Variants in LARGE1 observed in about 807,000 individuals in gnomAD.
LARGE1 encodes the protein LARGE xylosyl- and glucuronyltransferase 1.
In LARGE1, 43 loss-of-function variants were observed where a neutral mutation model predicts 87.6. The observed-to-expected ratio is 0.49, with a 90% confidence interval of 0.38 to 0.63. The LOEUF (loss-of-function observed/expected upper bound fraction) is 0.63. Ranked by LOEUF, LARGE1 falls within the 30% of genes least tolerant of loss-of-function variation. The probability of loss-of-function intolerance (pLI) is 0.00; values close to 1 mark genes in which losing one functional copy is unlikely to be tolerated. For missense variants in LARGE1, 802 were observed against 1,000.2 expected (o/e 0.80, Z 2.67); for synonymous variants, 434 against 394.6 (o/e 1.10, Z -1.18).
the LARGE1 span, among the ~76,000 whole-genome samples, chr22:33,152,219 A>G: frequency 6.6e-6 from 1 of 152,238 alleles, no homozygotes; most frequent in Non-Finnish European, 1.5e-5. Context: ...CTTTAGGAAC[A>G]TACCAGCCCA....
intron 11 of LARGE1, among the ~76,000 whole-genome samples, chr22:33,237,894 C>A (rs1178239359): frequency 6.6e-6 from 1 of 152,120 alleles, no homozygotes; most frequent in Non-Finnish European, 1.5e-5. Context: ...GTGCATAACG[C>A]ACGGGAGTAC....
the LARGE1 span, among the ~76,000 whole-genome samples, chr22:33,091,386 C>A: frequency 1.3e-5 from 2 of 152,056 alleles, no homozygotes; most frequent in Non-Finnish European, 1.5e-5. Flanking sequence ...CATGGTGAAA[C>A]CTTGTCTTTA....
At chr22:33,318,047 C>T (rs1936346089) in intron 10 of LARGE1, among the ~76,000 whole-genome samples, 1 of 151,846 alleles carries the variant, frequency 6.6e-6, no homozygotes, top group African/African-American at 2.4e-5. Flanking sequence ...CCAGCTTGGC[C>T]AAGATGGTGA....
At chr22:33,259,417 T>C (rs1927505723) in intron 11 of LARGE1, among the ~76,000 whole-genome samples, 2 of 151,948 alleles carry the variant, frequency 1.3e-5, no homozygotes, top group South Asian at 4.2e-4. Flanking sequence ...TCCTTCACTT[T>C]TTTGCCACAT....
intron 11 of LARGE1, among the ~76,000 whole-genome samples, chr22:33,181,827 C>CTTTTTT (rs56347007): frequency 4.1e-4 from 53 of 128,470 alleles, no homozygotes; most frequent in East Asian, 1.6e-3. Flanking sequence ...TATGCCTGGC[C>CTTTTTT]TTTTTTTTTT....
exon 12 of LARGE1, chr22:33,162,914 T>C (rs1922082642): frequency 6.6e-6 from 1 of 152,214 alleles, no homozygotes; most frequent in Non-Finnish European, 1.5e-5. Flanking sequence ...CTTTCATTAG[T>C]GTTGGAGGTG....
At chr22:33,296,563 T>C (rs1429981656) in intron 12 of LARGE1, among the ~76,000 whole-genome samples, 1 of 146,064 alleles carries the variant, frequency 6.8e-6, no homozygotes, top group Non-Finnish European at 1.5e-5. Flanking sequence ...TTTTCTTTTT[T>C]CTTTTCTTTT....
At chr22:33,237,514 A>C (rs1016483567) in intron 11 of LARGE1, among the ~76,000 whole-genome samples, 15 of 152,126 alleles carry the variant, frequency 9.9e-5, no homozygotes, top group African/African-American at 2.7e-4. Context: ...GAAAAAAAAA[A>C]CCTGCAACTA....
intron 6 of LARGE1, among the ~76,000 whole-genome samples, chr22:33,543,370 A>G (rs1346098693): frequency 6.6e-6 from 1 of 152,220 alleles, no homozygotes; most frequent in South Asian, 2.1e-4. Flanking sequence ...ATGGATAAAT[A>G]GGCTGCAGAT....
intron 1 of LARGE1, among the ~76,000 whole-genome samples, chr22:33,831,290 A>G (rs16993116): frequency 0.052 from 7,965 of 152,134 alleles, 698 homozygotes; most frequent in African/African-American, 0.18. Context: ...TTGCGACACA[A>G]AAAAAGGAGT....
At chr22:33,534,937 G>A (rs982839053) in intron 6 of LARGE1, among the ~76,000 whole-genome samples, 1 of 152,194 alleles carries the variant, frequency 6.6e-6, no homozygotes, top group Non-Finnish European at 1.5e-5. Context: ...GTCCAGTAGG[G>A]TGGGTTGAAG....
intron 12 of LARGE1, among the ~76,000 whole-genome samples, chr22:33,290,333 G>A (rs1044356174): frequency 6.6e-6 from 1 of 152,124 alleles, no homozygotes; most frequent in Non-Finnish European, 1.5e-5. Context: ...TCACCTCCTC[G>A]GAGTCACAGT....
chr22:33,743,427 T>G (rs984701846), intron 2 of LARGE1, among the ~76,000 whole-genome samples: 4 of 151,556 alleles, frequency 2.6e-5, no homozygotes, highest in African/African-American at 7.3e-5. Flanking sequence ...AAACCTGGAG[T>G]CATCACTGAC....
chr22:33,663,651 T>C (rs1321298054), intron 2 of LARGE1, among the ~76,000 whole-genome samples: 2 of 152,274 alleles, frequency 1.3e-5, no homozygotes, highest in South Asian at 2.1e-4. Context: ...ACGCGGCTGA[T>C]TGGCCAAGAG....
intron 1 of LARGE1, among the ~76,000 whole-genome samples, chr22:33,865,358 C>T (rs1166371245): frequency 6.6e-6 from 1 of 152,216 alleles, no homozygotes; most frequent in Admixed American, 6.5e-5. Context: ...TGTTTGTTTT[C>T]ATGACAGAAC....
rs140887244 is a variant in LARGE1 at position 33,769,576 on chromosome 22, C to G, written c.-82-8018G>C. On this transcript the variant is annotated intron_variant, in intron 1 of 14. Coordinates refer to ENST00000397394, the MANE Select transcript of LARGE1 (RefSeq NM_133642.5). ...TATCATACAAACTACTCCAATCACA[C>G]GATACCCCTCAGCCCACCCTTCCCC... 1.3e-3 allele frequency among the ~76,000 whole-genome samples: 205 copies of G among 152,298 alleles called. 4 individuals are homozygous for G. In the East Asian group the frequency reaches 0.027, roughly 20 times the overall value.
At chr22:33,651,701 G>A (rs1332720524) in intron 2 of LARGE1, among the ~76,000 whole-genome samples, 1 of 152,142 alleles carries the variant, frequency 6.6e-6, no homozygotes, top group African/African-American at 2.4e-5. Flanking sequence ...CATGTCACAA[G>A]GTCTGAGAAA....
chr22:33,729,161 A>C (rs934235751), intron 2 of LARGE1, among the ~76,000 whole-genome samples: 15 of 152,230 alleles, frequency 9.9e-5, no homozygotes, highest in African/African-American at 3.6e-4. Context: ...AAAATGAGTT[A>C]ACTTACAATT....
intron 2 of LARGE1, among the ~76,000 whole-genome samples, chr22:33,729,222 T>A (rs530244901): frequency 6.6e-6 from 1 of 152,088 alleles, no homozygotes; most frequent in Non-Finnish European, 1.5e-5. Flanking sequence ...AAAGGCAATA[T>A]GCAATGGGGA....
Sources: gnomAD v4.1 joint callset for allele counts (sites outside exome capture counted in the v4.1 genomes callset) on GRCh38, gnomAD v4.1.1 for gene constraint, MANE v1.5 for transcripts, NCBI Gene and HGNC (gene_info 2026-07-23, HGNC 2026-07-21) for gene names.